HECTD4: variants seen among roughly 807,000 people sequenced by gnomAD.
HECTD4 encodes HECT domain E3 ubiquitin protein ligase 4, also known as probable E3 ubiquitin-protein ligase HECTD4.
Under a neutral mutation model 471.5 loss-of-function variants are expected in HECTD4, and 114 were observed. That is an observed-to-expected ratio of 0.24 (90% CI 0.21 to 0.28). The LOEUF (loss-of-function observed/expected upper bound fraction) is 0.28. Ranked by LOEUF, HECTD4 falls within the 10% of genes least tolerant of loss-of-function variation. The pLI, the probability that HECTD4 is intolerant of heterozygous loss-of-function variation, is 1.00. For synonymous variants in HECTD4, 2,012 were observed against 2,256.0 expected (o/e 0.89, Z 3.07); for missense variants, 3,866 against 5,651.5 (o/e 0.68, Z 10.13).
Position 112,264,210 on chromosome 12 carries a change from A to T in HECTD4, c.2622T>A (p.Ala874=). Residue 874 remains alanine (A), a splice_region_variant and synonymous_variant, in exon 17 of 76, where the codon GCT becomes GCA. Coordinates refer to ENST00000682272, the MANE Select transcript of HECTD4 (RefSeq NM_001388303.1). ...TCAGATAGCGCAGGCAGGAGGATGCAGCCTTTAATACAAATAAGGGCATTT... is the reference window on the plus strand; with the variant it reads ...TCAGATAGCGCAGGCAGGAGGATGCTGCCTTTAATACAAATAAGGGCATTT... The part of the protein sequence containing the change: ...DFQKLLSTVP[A]ASSCLRYLMA... The T allele has an allele frequency of 6.3e-7, 1 of 1,591,540 alleles. No individual in the cohort carries two copies. Among genetic ancestry groups the T allele is most frequent in the Non-Finnish European group, 8.6e-7 (1 of 1,168,376 alleles).
chr12:112,307,793 C>T (rs1482276434), intron 6 of HECTD4, among the ~76,000 whole-genome samples: 1 of 152,214 alleles, frequency 6.6e-6, no homozygotes, highest in Non-Finnish European at 1.5e-5. Flanking sequence ...CAGACGCCAA[C>T]TCTAATCATT....
rs2036893693 is a variant in HECTD4, at chr12:112,381,693, G to A, written c.177+259C>T. Among the ~76,000 whole-genome samples, 1 of 152,102 alleles carries A rather than the reference G, an allele frequency of 6.6e-6. No individual in the cohort carries two copies. On this transcript the variant is annotated intron_variant, in intron 1 of 75. Transcript: ENST00000682272. This position sits in a 1 kb window ranked among gnomAD's most constrained non-coding sequence, Gnocchi z 4.1. ...CAGGCGCTAGCCTAATAAAATGCCG[G>A]GTGTCGGAACGCTCAAAAGAAAACC...
chr12:112,317,689 C>G (rs1344013818), intron 2 of HECTD4, among the ~76,000 whole-genome samples: 2 of 152,100 alleles, frequency 1.3e-5, no homozygotes, highest in Non-Finnish European at 2.9e-5. Context: ...CCTAGAAAAG[C>G]AACTCCAGGC....
rs2031603198 is a variant in HECTD4 at position 112,179,894 on chromosome 12, G to GA, written c.10988-498dup. ...GTTAAACAGGTGATCTCATTCATAG[G>GA]AAATATTCTTCAAAACTGGCGCAAT... On this transcript the variant is annotated intron_variant, in intron 62 of 75. Coordinates refer to ENST00000682272, the MANE Select transcript of HECTD4 (RefSeq NM_001388303.1). The surrounding 1 kb of genome is among the most constrained non-coding windows in gnomAD (Gnocchi z 4.3). Among the ~76,000 whole-genome samples, 1 of 152,198 alleles carries GA rather than the reference G, an allele frequency of 6.6e-6. No homozygotes were observed. The highest frequency in any genetic ancestry group is 1.5e-5 in the Non-Finnish European group (1 of 68,028).
chr12:112,318,782 G>A (rs2035534414), intron 2 of HECTD4, among the ~76,000 whole-genome samples: 2 of 152,216 alleles, frequency 1.3e-5, no homozygotes. Flanking sequence ...TTGTGACTGA[G>A]TCCAGGTGAA....
Position 112,248,307 on chromosome 12 carries a change from A to G in HECTD4, c.4143+13T>C. 1 of 1,568,198 alleles carries G rather than the reference A, an allele frequency of 6.4e-7. No homozygotes were observed. Reference sequence around the variant, plus strand: ...ATAAAAGAAATTGTTTCCAACAGTTATCAGACATTTACCTGCAGCTGTCTC... The same window carrying G: ...ATAAAAGAAATTGTTTCCAACAGTTGTCAGACATTTACCTGCAGCTGTCTC... On this transcript the variant is annotated intron_variant, in intron 26 of 75. Coordinates refer to ENST00000682272, the MANE Select transcript of HECTD4 (RefSeq NM_001388303.1).
chr12:112,214,578 C>T (rs2032859419), intron 48 of HECTD4, among the ~76,000 whole-genome samples: 1 of 152,180 alleles, frequency 6.6e-6, no homozygotes, highest in Non-Finnish European at 1.5e-5. Flanking sequence ...AGACACATTT[C>T]TCTAGAAAGA....
intron 1 of HECTD4, among the ~76,000 whole-genome samples, chr12:112,380,662 T>C (rs1438029567): frequency 2.6e-5 from 4 of 152,034 alleles, no homozygotes; most frequent in Non-Finnish European, 5.9e-5. Context: ...CTACCAACCA[T>C]ATCCTCCTCT....
intron 4 of HECTD4, among the ~76,000 whole-genome samples, chr12:112,310,073 C>T (rs2035343841): frequency 6.6e-6 from 1 of 152,102 alleles, no homozygotes; most frequent in South Asian, 2.1e-4. Flanking sequence ...GAGGCATGAG[C>T]TCTTATGAGC....
chr12:112,214,052 T>C (rs1030740541), intron 48 of HECTD4, among the ~76,000 whole-genome samples: 10 of 151,868 alleles, frequency 6.6e-5, no homozygotes, highest in African/African-American at 2.4e-4. Context: ...AAAATACATA[T>C]ATAATTTTAA....
intron 49 of HECTD4, 28 bp from the exon 50 acceptor site, chr12:112,210,280 G>A (rs773975932): frequency 5.6e-6 from 9 of 1,603,998 alleles, no homozygotes; most frequent in South Asian, 4.4e-5. Flanking sequence ...TGAAGGATTT[G>A]GAAAGACTTA....
intron 54 of HECTD4, 50 bp from the exon 55 acceptor site, chr12:112,200,848 CATGTGTGCGTGCGTGCGTGT>C (rs2032401164): frequency 6.4e-7 from 1 of 1,572,622 alleles, no homozygotes; most frequent in Non-Finnish European, 8.7e-7. Flanking sequence ...TTTTGTTTTC[CATGTGTGCGTGCGTGCGTGT>C]GTGTGTGCGT....
At chr12:112,221,331 C>A (rs1194577331) in intron 44 of HECTD4, among the ~76,000 whole-genome samples, 2 of 152,032 alleles carry the variant, frequency 1.3e-5, no homozygotes, top group Non-Finnish European at 2.9e-5. Flanking sequence ...TCACTGCAGC[C>A]CTGACTTCCT....
chr12:112,264,803 C>T (rs1347416366), intron 16 of HECTD4, among the ~76,000 whole-genome samples: 1 of 152,192 alleles, frequency 6.6e-6, no homozygotes, highest in Admixed American at 6.5e-5. Context: ...CTTGCTCTGT[C>T]ACCCAGGCTG....
intron 38 of HECTD4, among the ~76,000 whole-genome samples, chr12:112,232,409 C>A (rs369085636): frequency 3.9e-5 from 6 of 152,326 alleles, no homozygotes; most frequent in African/African-American, 1.4e-4. Context: ...GGATTACAGG[C>A]GTGAGCCACA....
chr12:112,280,706 C>A (rs10850024), intron 8 of HECTD4, among the ~76,000 whole-genome samples: 68,643 of 151,154 alleles, frequency 0.45, 19,704 homozygotes, highest in East Asian at 0.9. Context: ...TGTGAGTATA[C>A]CATTTTCACC....
At chr12:112,376,178 T>C (rs1034978417) in intron 1 of HECTD4, among the ~76,000 whole-genome samples, 3 of 152,206 alleles carry the variant, frequency 2.0e-5, no homozygotes, top group African/African-American at 7.2e-5. Context: ...TTTTTCTCTT[T>C]GCCTTTTTCC....
At chr12:112,187,835 C>G (rs1213404560) in intron 60 of HECTD4, among the ~76,000 whole-genome samples, 1 of 146,912 alleles carries the variant, frequency 6.8e-6, no homozygotes, top group Non-Finnish European at 1.5e-5. Flanking sequence ...ACTGTGTTAG[C>G]CAGGATGGTC....
At chr12:112,349,388 CAAAAAAAA>C (rs60480485) in intron 1 of HECTD4, among the ~76,000 whole-genome samples, 2 of 54,718 alleles carry the variant, frequency 3.7e-5, no homozygotes, top group Non-Finnish European at 7.2e-5. Context: ...ACTCTTGCTC[CAAAAAAAA>C]AAAAAAAAAA....
Sources: allele counts gnomAD v4.1 joint callset (sites outside exome capture counted in the v4.1 genomes callset), GRCh38; gene constraint gnomAD v4.1.1; non-coding constraint Gnocchi (gnomAD v3.1); transcripts MANE v1.5; gene names NCBI Gene and HGNC (gene_info 2026-07-23, HGNC 2026-07-21).